Variants in RALYL observed in about 807,000 individuals in gnomAD.
The protein encoded by RALYL is RALY RNA binding protein like, also known as RNA-binding Raly-like protein.
In RALYL, 29 loss-of-function variants were observed where a neutral mutation model predicts 35.1. That is an observed-to-expected ratio of 0.83 (90% CI 0.61 to 1.13). The LOEUF (loss-of-function observed/expected upper bound fraction) is 1.13. Ranked by LOEUF, RALYL falls within the 50% of genes most tolerant of loss-of-function variation. The probability of loss-of-function intolerance (pLI) is 0.00; values close to 1 mark genes in which losing one functional copy is unlikely to be tolerated. For missense variants in RALYL, 359 were observed against 360.4 expected (o/e 1.00, Z 0.03); for synonymous variants, 120 against 127.6 (o/e 0.94, Z 0.40).
intron 6 of RALYL, chr8:84,864,947 T>G: frequency 4.6e-6 from 1 of 216,936 alleles, no homozygotes; most frequent in Admixed American, 5.7e-5. Flanking sequence ...TTCTATTCAT[T>G]TCATATAGTT....
chr8:84,896,490 A>T (rs1394714245), intron 8 of RALYL, among the ~76,000 whole-genome samples: 1 of 152,068 alleles, frequency 6.6e-6, no homozygotes, highest in Non-Finnish European at 1.5e-5. Context: ...TGTACTTAAA[A>T]CTCTCTAATA....
At chr8:84,345,827 G>C (rs1056927032) in intron 1 of RALYL, among the ~76,000 whole-genome samples, 2 of 152,110 alleles carry the variant, frequency 1.3e-5, no homozygotes, top group Non-Finnish European at 2.9e-5. Context: ...ACAGAGGCTA[G>C]TGGGGTTGAC....
intron 1 of RALYL, among the ~76,000 whole-genome samples, chr8:84,354,254 G>A (rs1156580581): frequency 6.7e-6 from 1 of 150,158 alleles, no homozygotes; most frequent in East Asian, 1.9e-4. Context: ...TGAACTAAAT[G>A]TATTTGGCAA....
At chr8:84,197,101 A>G (rs887011127) in intron 1 of RALYL, among the ~76,000 whole-genome samples, 2 of 152,220 alleles carry the variant, frequency 1.3e-5, no homozygotes, top group African/African-American at 4.8e-5. Context: ...TTATTTTAAA[A>G]ACAGAATGAT....
intron 4 of RALYL, among the ~76,000 whole-genome samples, chr8:84,825,897 C>G (rs1456016407): frequency 6.6e-6 from 1 of 152,008 alleles, no homozygotes; most frequent in Non-Finnish European, 1.5e-5. Flanking sequence ...GACATAGCAT[C>G]AACCTAAATG....
rs571344322 is a variant in RALYL, at chr8:84,664,185, A to G, written c.257-110394A>G. Reference sequence around the variant, plus strand: ...GTTCCATTGGTCTTTGTGTCTTTGTACCAGCACCATGCTGCTTTGGTTACT... The same window carrying G: ...GTTCCATTGGTCTTTGTGTCTTTGTGCCAGCACCATGCTGCTTTGGTTACT... On this transcript the variant is annotated intron_variant, in intron 2 of 8. Coordinates refer to ENST00000521268, the MANE Select transcript of RALYL (RefSeq NM_173848.7). Among the ~76,000 whole-genome samples the G allele has an allele frequency of 2.7e-5, 4 of 148,700 alleles. No individual in the cohort carries two copies. In the South Asian group the frequency reaches 8.5e-4, roughly 32 times the overall value.
At chr8:84,293,891 T>C (rs1039965916) in intron 1 of RALYL, among the ~76,000 whole-genome samples, 1 of 151,634 alleles carries the variant, frequency 6.6e-6, no homozygotes, top group Non-Finnish European at 1.5e-5. Flanking sequence ...CATTTTCTTA[T>C]GTATGAAATT....
intron 3 of RALYL, among the ~76,000 whole-genome samples, chr8:84,798,331 A>T (rs74547379): frequency 1.6e-4 from 2 of 12,328 alleles, no homozygotes; most frequent in South Asian, 6.6e-3. Flanking sequence ...TCAGAGATTA[A>T]AAAAAAAAAG....
chr8:84,459,806 A>T (rs897041611), intron 1 of RALYL, among the ~76,000 whole-genome samples: 1 of 151,748 alleles, frequency 6.6e-6, no homozygotes, highest in African/African-American at 2.4e-5. Flanking sequence ...TGGCACTGAG[A>T]ACTCATCTGC....
intron 2 of RALYL, among the ~76,000 whole-genome samples, chr8:84,561,398 G>A (rs966494633): frequency 6.6e-6 from 1 of 151,864 alleles, no homozygotes; most frequent in Non-Finnish European, 1.5e-5. Context: ...GGATGAGTAT[G>A]TTTAAAAATG....
intron 1 of RALYL, among the ~76,000 whole-genome samples, chr8:84,251,383 T>C (rs1020959742): frequency 1.3e-5 from 2 of 152,158 alleles, no homozygotes; most frequent in Admixed American, 6.5e-5. Flanking sequence ...TTTACTTTCA[T>C]TGTCAAATAG....
chr8:84,372,559 G>C (rs145965074), intron 1 of RALYL, among the ~76,000 whole-genome samples: 222 of 151,992 alleles, frequency 1.5e-3, no homozygotes, highest in African/African-American at 5.1e-3. Context: ...ACAGCATAGG[G>C]ATACCTTGTC....
At chr8:84,372,891 T>G (rs1856104886) in intron 1 of RALYL, among the ~76,000 whole-genome samples, 2 of 116,726 alleles carry the variant, frequency 1.7e-5, no homozygotes, top group African/African-American at 3.5e-5. Context: ...CATCTGTTTT[T>G]TTTTTTTTTT....
chr8:84,873,418 G>A (rs767287749), intron 7 of RALYL, 21 bp downstream of exon 7: 52 of 1,407,980 alleles, frequency 3.7e-5, no homozygotes, highest in Non-Finnish European at 4.9e-5. Flanking sequence ...TCTGATCACA[G>A]ACAGGTCAGA....
intron 3 of RALYL, among the ~76,000 whole-genome samples, chr8:84,777,287 AAAC>A (rs1458253264): frequency 6.6e-6 from 1 of 152,224 alleles, no homozygotes; most frequent in Non-Finnish European, 1.5e-5. Context: ...GCTACCATCT[AAAC>A]AACACAGATA....
chr8:84,425,246 C>T (rs1350800016), intron 1 of RALYL, among the ~76,000 whole-genome samples: 1 of 152,138 alleles, frequency 6.6e-6, no homozygotes, highest in Non-Finnish European at 1.5e-5. Flanking sequence ...GGGATATAGT[C>T]TCGTGGTGCG....
At chr8:84,539,281 G>C (rs1384333709) in intron 2 of RALYL, among the ~76,000 whole-genome samples, 3 of 152,044 alleles carry the variant, frequency 2.0e-5, no homozygotes, top group Non-Finnish European at 4.4e-5. Flanking sequence ...TGTGTAAAAT[G>C]GTTAAAAACA....
chr8:84,305,724 G>C (rs923456896), intron 1 of RALYL, among the ~76,000 whole-genome samples: 21 of 152,088 alleles, frequency 1.4e-4, no homozygotes, highest in African/African-American at 4.8e-4. Context: ...CAAGTTGGTT[G>C]GTAATTGAAT....
At chr8:84,233,158 G>A (rs6987548) in intron 1 of RALYL, among the ~76,000 whole-genome samples, 5 of 151,616 alleles carry the variant, frequency 3.3e-5, no homozygotes, top group African/African-American at 9.7e-5. Context: ...AATTTTTATT[G>A]TTTTTTTGTA....
Sources: gnomAD v4.1 joint callset for allele counts (sites outside exome capture counted in the v4.1 genomes callset) on GRCh38, gnomAD v4.1.1 for gene constraint, MANE v1.5 for transcripts, NCBI Gene and HGNC (gene_info 2026-07-23, HGNC 2026-07-21) for gene names.